CFAP91: variants seen among roughly 807,000 people sequenced by gnomAD.
CFAP91 encodes the protein cilia- and flagella-associated protein 91.
In CFAP91, 85 loss-of-function variants were observed where a neutral mutation model predicts 95.9. That is an observed-to-expected ratio of 0.89 (90% confidence interval 0.74 to 1.06). CFAP91 has a LOEUF of 1.06. Among genes scored for constraint, CFAP91 ranks in the 50% least tolerant of loss-of-function variants. The pLI is 0.00. For missense variants in CFAP91, 962 were observed against 943.4 expected (o/e 1.02, Z -0.26); for synonymous variants, 335 against 327.5 (o/e 1.02, Z -0.25).
intron 17 of CFAP91, among the ~76,000 whole-genome samples, chr3:119,754,543 A>C (rs528420364): frequency 6.6e-6 from 1 of 152,354 alleles, no homozygotes; most frequent in African/African-American, 2.4e-5. Context: ...ACATTGCAGG[A>C]TGAAGTTAAG....
At chr3:119,743,095 G>A (rs1006723629) in intron 13 of CFAP91, among the ~76,000 whole-genome samples, 1 of 151,432 alleles carries the variant, frequency 6.6e-6, no homozygotes, top group Non-Finnish European at 1.5e-5. Context: ...CCCTAATTTT[G>A]CCTCAGTGAT....
intron 13 of CFAP91, among the ~76,000 whole-genome samples, chr3:119,742,091 C>T (rs1284504430): frequency 6.6e-6 from 1 of 152,198 alleles, no homozygotes; most frequent in Non-Finnish European, 1.5e-5. Flanking sequence ...AGTTTCTGAT[C>T]ATGACTTTAG....
chr3:119,752,166 A>G (rs2054338487), intron 17 of CFAP91: 1 of 152,160 alleles, frequency 6.6e-6, no homozygotes. Context: ...TTTTGCCCTG[A>G]AGGTATACCA....
chr3:119,742,015 G>A (rs181287259), intron 13 of CFAP91, among the ~76,000 whole-genome samples: 58 of 152,312 alleles, frequency 3.8e-4, no homozygotes, highest in Non-Finnish European at 4.1e-4. Context: ...CAGATAAGGA[G>A]CAGAATGCCC....
intron 15 of CFAP91, chr3:119,747,594 C>T: frequency 5.2e-6 from 3 of 577,792 alleles, no homozygotes; most frequent in Non-Finnish European, 9.0e-6. Context: ...TCCAACATTC[C>T]CTTCCTGGCA....
intron 13 of CFAP91, among the ~76,000 whole-genome samples, chr3:119,743,574 T>C (rs2054162649): frequency 6.6e-6 from 1 of 152,244 alleles, no homozygotes; most frequent in Non-Finnish European, 1.5e-5. Flanking sequence ...CATGAGTGAA[T>C]TTCTAGGAGA....
chr3:119,735,581 T>G (rs1197531454), intron 10 of CFAP91, among the ~76,000 whole-genome samples: 4 of 152,210 alleles, frequency 2.6e-5, no homozygotes, highest in Admixed American at 1.3e-4. Context: ...TGCATTGTGA[T>G]CAGAGGTCAT....
chr3:119,705,798 A>C (rs1038049870), intron 1 of CFAP91, among the ~76,000 whole-genome samples: 2 of 152,216 alleles, frequency 1.3e-5, no homozygotes, highest in East Asian at 3.8e-4. Context: ...ACCTAGATAG[A>C]GTAGCCAGTC....
chr3:119,737,282 C>T (rs1189065921), intron 10 of CFAP91, 84 bp from the exon 11 acceptor site: 1 of 732,350 alleles, frequency 1.4e-6, no homozygotes, highest in African/African-American at 1.8e-5. Flanking sequence ...GTAATACATT[C>T]ATGTAAAAAA....
intron 3 of CFAP91, among the ~76,000 whole-genome samples, chr3:119,708,257 T>TCG (rs1411548217): frequency 9.2e-6 from 1 of 108,880 alleles, no homozygotes; most frequent in Non-Finnish European, 2.0e-5. Context: ...AGAGCGAGAC[T>TCG]CTGTCTCAAA....
chr3:119,746,267 C>T (rs1236072980), intron 14 of CFAP91, among the ~76,000 whole-genome samples: 1 of 152,170 alleles, frequency 6.6e-6, no homozygotes, highest in Non-Finnish European at 1.5e-5. Context: ...TCTGACTTTA[C>T]CCTAATTCAT....
chr3:119,754,687 C>T (rs2054391044), intron 17 of CFAP91, among the ~76,000 whole-genome samples: 1 of 152,192 alleles, frequency 6.6e-6, no homozygotes, highest in Non-Finnish European at 1.5e-5. Flanking sequence ...GGGCCATTGT[C>T]CCAGTTTCAA....
intron 7 of CFAP91, among the ~76,000 whole-genome samples, chr3:119,728,763 A>G (rs1392881953): frequency 2.6e-5 from 4 of 152,144 alleles, no homozygotes; most frequent in Admixed American, 6.5e-5. Flanking sequence ...TCCTTTGTCA[A>G]TGTAGCAAAT....
At chr3:119,723,348 CTCT>C (rs1435848971) in intron 6 of CFAP91, among the ~76,000 whole-genome samples, 1 of 152,192 alleles carries the variant, frequency 6.6e-6, no homozygotes, top group Non-Finnish European at 1.5e-5. Flanking sequence ...AGCTGCTAGA[CTCT>C]AGCATTTCTA....
intron 7 of CFAP91, 50 bp from the exon 8 acceptor site, chr3:119,730,170 C>G (rs758073767): frequency 1.1e-5 from 17 of 1,573,474 alleles, no homozygotes; most frequent in Admixed American, 1.8e-5. Context: ...TTCCCTTGCC[C>G]TCTGTTTGAG....
intron 15 of CFAP91, 38 bp downstream of exon 15, chr3:119,747,301 C>A: frequency 6.3e-7 from 1 of 1,583,342 alleles, no homozygotes; most frequent in Non-Finnish European, 8.6e-7. Flanking sequence ...ATGGACAGCC[C>A]ATTTGCTGGT....
rs751984652 is a variant in CFAP91 at position 119,708,597 on chromosome 3, C to T, written c.366C>T (p.Asp122=). The change falls in exon 4 of 18, where the codon GAC becomes GAT. Residue 122 remains aspartate (D), a synonymous_variant. Transcript: ENST00000273390. ...REALRQLTTT[D]ASFQMPKEVY... ...TTTTCTTGCTTCATTTTAGAACTGA[C>T]GCTTCTTTTCAGATGCCTAAAGAAG... 7.0e-5 allele frequency: 112 copies of T among 1,594,138 alleles called. No homozygotes were observed. Among genetic ancestry groups the T allele is most frequent in the South Asian group, 3.8e-4 (34 of 88,400 alleles).
chr3:119,724,168 CA>C (rs60965924), intron 6 of CFAP91, among the ~76,000 whole-genome samples: 23,768 of 98,648 alleles, frequency 0.24, 2,155 homozygotes, highest in Middle Eastern at 0.34. Context: ...GACTTCATCT[CA>C]AAAAAAAAAA....
intron 17 of CFAP91, among the ~76,000 whole-genome samples, chr3:119,761,155 T>C (rs2054531565): frequency 6.6e-6 from 1 of 151,372 alleles, no homozygotes; most frequent in African/African-American, 2.4e-5. Flanking sequence ...GAGGGAAGAC[T>C]TAAGGAAAAT....
Sources: allele counts gnomAD v4.1 joint callset (sites outside exome capture counted in the v4.1 genomes callset), GRCh38; gene constraint gnomAD v4.1.1; transcripts MANE v1.5; gene names NCBI Gene and HGNC (gene_info 2026-07-23, HGNC 2026-07-21).